The following DCAF8 variants were observed in gnomAD, a reference collection of about 807,000 sequenced individuals.
The protein encoded by DCAF8 is DDB1- and CUL4-associated factor 8.
Under a neutral mutation model 68.0 loss-of-function variants are expected in DCAF8, and 20 were observed. The ratio of observed to expected loss-of-function variants is 0.29; its 90% CI spans 0.21 to 0.43. The LOEUF (loss-of-function observed/expected upper bound fraction) is 0.43, where lower values mean the gene tolerates loss of function less well. Among genes scored for constraint, DCAF8 ranks in the 20% least tolerant of loss-of-function variants. The pLI is 1.00. For missense variants in DCAF8, 460 were observed against 771.0 expected, an observed-to-expected ratio of 0.60 and a Z score of 4.78; for synonymous variants, 230 against 276.9, an observed-to-expected ratio of 0.83 and a Z score of 1.68.
intron 6 of DCAF8, 21 bp from the exon 7 acceptor site, chr1:160,231,428 A>G: frequency 1.3e-6 from 2 of 1,573,714 alleles, no homozygotes; most frequent in Non-Finnish European, 1.7e-6. Flanking sequence ...AGAAAAGCAC[A>G]GAAAGTTATA....
chr1:160,223,964 A>G (rs1557829742), intron 10 of DCAF8, among the ~76,000 whole-genome samples: 1 of 152,164 alleles, frequency 6.6e-6, no homozygotes, highest in Non-Finnish European at 1.5e-5. Context: ...AATGTGCCCC[A>G]AAGTTTGGGA....
chr1:160,242,244 CAAA>C (rs200596217), intron 3 of DCAF8, among the ~76,000 whole-genome samples: 6 of 63,784 alleles, frequency 9.4e-5, no homozygotes, highest in Admixed American at 1.8e-4. Context: ...AACTCTGTCT[CAAA>C]AAAAAAAAAA....
chr1:160,224,317 G>C, intron 10 of DCAF8, 125 bp downstream of exon 10: 1 of 684,844 alleles, frequency 1.5e-6, no homozygotes, highest in African/African-American at 1.8e-5. Context: ...GCCCAATTCA[G>C]GATAATCCCT....
At chr1:160,218,503 G>A in intron 12 of DCAF8, 63 bp from the exon 13 acceptor site, 1 of 1,238,064 alleles carries the variant, frequency 8.1e-7, no homozygotes, top group Non-Finnish European at 1.2e-6. Flanking sequence ...ACCTGATCAA[G>A]AAGGCTGATC....
At position 160,218,333 on chromosome 1, in the gene DCAF8, G is replaced by C; in HGVS notation, c.1668C>G (p.Arg556=). ...TCCAACCCTAGCTTACCCGGTGATG[G>C]CGTCTCTGTCTCAGGTGATGCATAA... ...WFLMHHLRQR[R]HHRRWREPGV... The change falls in exon 13 of 14, where the codon CGC becomes CGG. Residue 556 remains arginine, a synonymous_variant. Coordinates refer to ENST00000368074, the MANE Select transcript of DCAF8 (RefSeq NM_015726.4). The C allele has an allele frequency of 6.2e-7, 1 of 1,613,586 alleles. No homozygotes were observed. Among genetic ancestry groups the C allele is most frequent in the South Asian group, 1.1e-5 (1 of 91,074 alleles).
chr1:160,251,094 C>T (rs1285511709), intron 2 of DCAF8, among the ~76,000 whole-genome samples: 5 of 152,210 alleles, frequency 3.3e-5, no homozygotes, highest in Admixed American at 6.5e-5. Context: ...AACTCTCCTA[C>T]ATAAACACCC....
chr1:160,239,672 T>A lies in DCAF8; in HGVS notation c.723+25A>T, dbSNP rs180716275. The A allele has an allele frequency of 1.7e-5, 28 of 1,614,240 alleles. No individual in the cohort carries two copies. In the African/African-American group the frequency reaches 3.5e-4, roughly 20 times the overall value. ...TCTAACTCATGCCTGATTCTCTCAG[T>A]TGCTATTATGCTCCCTTGCCTCACC... On this transcript the variant is annotated intron_variant, in intron 4 of 13. Coordinates refer to ENST00000368074, the MANE Select transcript of DCAF8 (RefSeq NM_015726.4).
At chr1:160,218,302 T>A in intron 13 of DCAF8, 22 bp downstream of exon 13, 1 of 1,594,206 alleles carries the variant, frequency 6.3e-7, no homozygotes, top group Non-Finnish European at 8.6e-7. Flanking sequence ...CCCTTGGGAA[T>A]TCATTTCCAA....
At position 160,262,435 on chromosome 1, in the gene DCAF8, C is replaced by G. The variant is rs1443560728; in HGVS notation, c.-101+14G>C. ...CCCCGTCCACTGCCACCACCAACGC[C>G]GCCGCCATCTTACACTGGCCAGCGG... is the stretch of plus-strand genomic sequence containing the variant. On this transcript the variant is annotated intron_variant, in intron 1 of 13. Coordinates refer to ENST00000368074, the MANE Select transcript of DCAF8 (RefSeq NM_015726.4). 5.0e-6 allele frequency: 2 copies of G among 400,962 alleles called. No homozygotes were observed. The highest frequency in any genetic ancestry group is 2.1e-5 in the African/African-American group (1 of 48,686). 24.8% of individuals were successfully genotyped at this position (400,962 alleles called of 1,614,324 possible).
Position 160,238,717 on chromosome 1 carries a change from T to C in DCAF8, c.754A>G (p.Thr252Ala), listed in dbSNP as rs577012239. 5 of 1,612,420 alleles carry C rather than the reference T, an allele frequency of 3.1e-6. No individual in the cohort carries two copies. Among genetic ancestry groups the C allele is most frequent in the East Asian group, 2.2e-5 (1 of 44,666 alleles). ...AKFLPNSGDSTLAMCARDGQV... is the reference protein window; with the variant it reads ...AKFLPNSGDSALAMCARDGQV... ...CCGTCACGGGCACACATGGCCAGAGTAGAATCACCACTGTTAGGAAGAAAC... is the reference window on the plus strand; with the variant it reads ...CCGTCACGGGCACACATGGCCAGAGCAGAATCACCACTGTTAGGAAGAAAC... Residue 252 changes from threonine to alanine, a missense_variant, in exon 5 of 14, where the codon ACT becomes GCT. Thr to Ala is a moderately conservative substitution (Grantham distance 58). This residue lies in a region of DCAF8 where 170 missense variants were observed against 318.2 expected (regional missense o/e 0.53). Coordinates refer to ENST00000368074, the MANE Select transcript of DCAF8 (RefSeq NM_015726.4).
rs77580904 is a variant in DCAF8 at position 160,229,698 on chromosome 1, C to G, written c.1070+1599G>C. Among the ~76,000 whole-genome samples the G allele has an allele frequency of 3.9e-3, 592 of 152,100 alleles. 3 individuals are homozygous for G. The highest frequency in any genetic ancestry group is 7.9e-3 in the Admixed American group (120 of 15,254). On this transcript the variant is annotated intron_variant, in intron 7 of 13. Coordinates refer to ENST00000368074, the MANE Select transcript of DCAF8 (RefSeq NM_015726.4). ...ACTGAAAATCTATACAAACTACAAC[C>G]CTTTTTGATCAACAGCTTCTTATTT...
intron 6 of DCAF8, among the ~76,000 whole-genome samples, chr1:160,235,292 C>A (rs1300255485): frequency 6.6e-6 from 1 of 151,592 alleles, no homozygotes; most frequent in Non-Finnish European, 1.5e-5. Context: ...TGCCACCACA[C>A]ACGGCTAATT....
intron 7 of DCAF8, among the ~76,000 whole-genome samples, chr1:160,228,705 T>C (rs976316484): frequency 6.6e-6 from 1 of 152,030 alleles, no homozygotes; most frequent in Non-Finnish European, 1.5e-5. Context: ...TCAGTATTAA[T>C]GATGCAAAAG....
intron 7 of DCAF8, among the ~76,000 whole-genome samples, chr1:160,226,043 C>T (rs1193276053): frequency 6.6e-6 from 1 of 152,162 alleles, no homozygotes; most frequent in African/African-American, 2.4e-5. Context: ...AGAGTTTCAT[C>T]TGTTGGCCAG....
intron 6 of DCAF8, among the ~76,000 whole-genome samples, chr1:160,235,283 G>A (rs1655830371): frequency 6.6e-6 from 1 of 151,662 alleles, no homozygotes; most frequent in Non-Finnish European, 1.5e-5. Context: ...ATAGGCATGT[G>A]CCACCACACA....
At chr1:160,233,302 A>C (rs1291186157) in intron 6 of DCAF8, among the ~76,000 whole-genome samples, 2 of 152,136 alleles carry the variant, frequency 1.3e-5, no homozygotes, top group Non-Finnish European at 2.9e-5. Flanking sequence ...TAATCCCAGC[A>C]CTTTGGGAGA....
chr1:160,259,902 T>C (rs576546424), intron 2 of DCAF8, among the ~76,000 whole-genome samples: 1 of 152,228 alleles, frequency 6.6e-6, no homozygotes, highest in Non-Finnish European at 1.5e-5. Flanking sequence ...CCTCTGGTTA[T>C]GAACCCCCAC....
chr1:160,256,012 CTTTTTTTTTTTTTTTTT>C, intron 2 of DCAF8, among the ~76,000 whole-genome samples: 1 of 75,526 alleles, frequency 1.3e-5, no homozygotes, highest in Non-Finnish European at 2.5e-5. Flanking sequence ...ACTAAGCAAA[CTTTTTTTTTTTTTTTTT>C]TTTTTTTTTT....
intron 2 of DCAF8, among the ~76,000 whole-genome samples, chr1:160,259,551 A>C (rs1460588724): frequency 2.4e-5 from 3 of 125,484 alleles, no homozygotes; most frequent in Non-Finnish European, 3.4e-5. Flanking sequence ...AACAAACAAA[A>C]AAAACCTCTT....
Sources: gnomAD v4.1 joint callset for allele counts (sites outside exome capture counted in the v4.1 genomes callset) on GRCh38, gnomAD v4.1.1 for gene constraint, gnomAD v4.1.1 regional missense constraint, MANE v1.5 for transcripts, NCBI Gene and HGNC (gene_info 2026-07-23, HGNC 2026-07-21) for gene names.